Variants in PELI1 observed in about 807,000 individuals in gnomAD.
The protein encoded by PELI1 is pellino E3 ubiquitin protein ligase 1.
PELI1 carries 15 observed loss-of-function variants against 41.3 expected under a neutral mutation model. The ratio of observed to expected loss-of-function variants is 0.36; its 90% confidence interval spans 0.24 to 0.56. The LOEUF (loss-of-function observed/expected upper bound fraction) is 0.56. PELI1 is among the 20% of genes least tolerant of loss of function. The pLI is 0.82. For missense variants in PELI1, 403 were observed against 525.5 expected (o/e 0.77, Z 2.28); for synonymous variants, 178 against 180.1 (o/e 0.99, Z 0.09).
intron 1 of PELI1, among the ~76,000 whole-genome samples, chr2:64,130,721 T>C (rs1388182823): frequency 6.6e-6 from 1 of 152,186 alleles, no homozygotes; most frequent in East Asian, 1.9e-4. Context: ...AAAGCATACA[T>C]ATTTCTATAA....
At chr2:64,103,889 T>A (rs1173056963) in intron 3 of PELI1, among the ~76,000 whole-genome samples, 1 of 152,220 alleles carries the variant, frequency 6.6e-6, no homozygotes, top group Non-Finnish European at 1.5e-5. Context: ...TTTTTCTTAT[T>A]TGCTCATTAC....
chr2:64,124,884 T>C (rs1681336192), intron 1 of PELI1, among the ~76,000 whole-genome samples: 1 of 152,176 alleles, frequency 6.6e-6, no homozygotes, highest in Non-Finnish European at 1.5e-5. Flanking sequence ...CAGATGCCAA[T>C]CAAAGTCCCA....
chr2:64,120,704 A>G (rs1000643964), intron 1 of PELI1, among the ~76,000 whole-genome samples: 1 of 152,232 alleles, frequency 6.6e-6, no homozygotes, highest in Non-Finnish European at 1.5e-5. Flanking sequence ...TGCTAATAAA[A>G]CCTGACTGGA....
In PELI1 at chr2:64,095,297, T is replaced by C. The variant is rs750574603; in HGVS notation, c.691-29A>G. The C allele has an allele frequency of 2.0e-6, 3 of 1,496,540 alleles. No homozygotes were observed. The South Asian group carries it at 3.4e-5, about 17-fold the overall frequency. The allele number at this position is 1,496,540 out of a possible 1,614,324, so 92.7% of individuals were successfully genotyped here. The stretch of plus-strand genomic sequence containing the variant: ...GAGGAGACAAGAGTTGAAAAACATA[T>C]TCACCACTCTGTTTTGGATTTTTAC... On this transcript the variant is annotated intron_variant, in intron 6 of 6. Coordinates refer to ENST00000358912, the MANE Select transcript of PELI1 (RefSeq NM_020651.4).
chr2:64,129,023 C>T (rs1180058847), intron 1 of PELI1, among the ~76,000 whole-genome samples: 1 of 152,194 alleles, frequency 6.6e-6, no homozygotes, highest in Non-Finnish European at 1.5e-5. Context: ...ACTGAGCCAA[C>T]TATCTACAAG....
At chr2:64,112,941 T>A (rs1213359723) in intron 1 of PELI1, among the ~76,000 whole-genome samples, 2 of 152,044 alleles carry the variant, frequency 1.3e-5, no homozygotes, top group Non-Finnish European at 2.9e-5. Flanking sequence ...TGTCTTTATA[T>A]ATTCTCTCTA....
chr2:64,115,271 G>A (rs1242479269), intron 1 of PELI1, among the ~76,000 whole-genome samples: 2 of 152,142 alleles, frequency 1.3e-5, no homozygotes, highest in African/African-American at 4.8e-5. Flanking sequence ...GCAAATCTTT[G>A]GAGGCTAGAT....
At chr2:64,124,613 T>C (rs1681328455) in intron 1 of PELI1, among the ~76,000 whole-genome samples, 1 of 152,214 alleles carries the variant, frequency 6.6e-6, no homozygotes, top group African/African-American at 2.4e-5. Flanking sequence ...AATTATGAAA[T>C]TGACACTTAG....
At chr2:64,126,718 T>G (rs1681400748) in intron 1 of PELI1, among the ~76,000 whole-genome samples, 1 of 152,106 alleles carries the variant, frequency 6.6e-6, no homozygotes, top group South Asian at 2.1e-4. Flanking sequence ...AAAAGTGTTA[T>G]TACTTAGGAG....
chr2:64,114,210 T>C (rs1321343416), intron 1 of PELI1, among the ~76,000 whole-genome samples: 1 of 152,244 alleles, frequency 6.6e-6, no homozygotes, highest in East Asian at 1.9e-4. Flanking sequence ...ATACTAGAGT[T>C]TCCTTGTGGC....
intron 4 of PELI1, among the ~76,000 whole-genome samples, chr2:64,097,008 A>G (rs866062306): frequency 2.0e-5 from 3 of 152,364 alleles, no homozygotes; most frequent in Non-Finnish European, 4.4e-5. Flanking sequence ...GTGAACATAT[A>G]TAAGTAAATC....
At chr2:64,129,756 CACCA>C (rs1289665596) in intron 1 of PELI1, among the ~76,000 whole-genome samples, 1 of 152,088 alleles carries the variant, frequency 6.6e-6, no homozygotes, top group African/African-American at 2.4e-5. Context: ...CTTACGTAAA[CACCA>C]AACAAATAAA....
At chr2:64,110,126 C>A (rs527576145) in intron 1 of PELI1, among the ~76,000 whole-genome samples, 1 of 151,810 alleles carries the variant, frequency 6.6e-6, no homozygotes, top group East Asian at 1.9e-4. Flanking sequence ...GCCTTGTAGT[C>A]CTAGCTACTT....
intron 1 of PELI1, among the ~76,000 whole-genome samples, chr2:64,137,742 A>ATTT (rs879751154): frequency 5.9e-4 from 90 of 152,146 alleles, no homozygotes; most frequent in Non-Finnish European, 3.1e-4. Flanking sequence ...ATCCTCTGTG[A>ATTT]GTCATATCTG....
At chr2:64,114,158 GTGGACTGCATA>G (rs1301461439) in intron 1 of PELI1, among the ~76,000 whole-genome samples, 2 of 151,762 alleles carry the variant, frequency 1.3e-5, no homozygotes, top group East Asian at 3.9e-4. Flanking sequence ...GAAAAACAAT[GTGGACTGCATA>G]TATTATCTCA....
At chr2:64,124,240 CT>C (rs1681314940) in intron 1 of PELI1, among the ~76,000 whole-genome samples, 1 of 152,092 alleles carries the variant, frequency 6.6e-6, no homozygotes, top group African/African-American at 2.4e-5. Context: ...TGCTGCACAG[CT>C]CTGAGACTAT....
At chr2:64,142,737 T>A (rs1336942907) in intron 1 of PELI1, among the ~76,000 whole-genome samples, 1 of 152,188 alleles carries the variant, frequency 6.6e-6, no homozygotes, top group Non-Finnish European at 1.5e-5. Context: ...AGTGAACCTT[T>A]ACCACAATTA....
rs182992211 is a variant in PELI1 at position 64,131,738 on chromosome 2, G to A, written c.-70+12343C>T. Among the ~76,000 whole-genome samples, 6 of 151,726 alleles carry A rather than the reference G, an allele frequency of 4.0e-5. No individual in the cohort carries two copies. The East Asian group carries it at 1.2e-3, about 29-fold the overall frequency. On this transcript the variant is annotated intron_variant, in intron 1 of 6. Transcript: ENST00000358912. ...CAGGTTCAAGCAATTCTCCTGCCTC[G>A]GCCTCAGGAGTAGCTCAGATTACAG...
At chr2:64,096,676 G>A (rs773037840) in intron 4 of PELI1, 66 bp from the exon 5 acceptor site, 13 of 1,055,152 alleles carry the variant, frequency 1.2e-5, no homozygotes, top group African/African-American at 3.2e-5. Context: ...CATTCAAGAA[G>A]GGCACAATAA....
Sources: allele counts gnomAD v4.1 joint callset (sites outside exome capture counted in the v4.1 genomes callset), GRCh38; gene constraint gnomAD v4.1.1; transcripts MANE v1.5; gene names NCBI Gene and HGNC (gene_info 2026-07-23, HGNC 2026-07-21).